The following ADD1 variants were observed in gnomAD, a reference collection of about 807,000 sequenced individuals.
ADD1 encodes the protein adducin 1, also known as alpha-adducin.
A neutral mutation model predicts 80.5 loss-of-function variants in ADD1; 24 were observed. The ratio of observed to expected loss-of-function variants is 0.30; its 90% confidence interval spans 0.22 to 0.42. The LOEUF is 0.42. ADD1 is among the 10% of genes least tolerant of loss of function. ADD1 has a pLI of 1.00. For synonymous variants in ADD1, 373 were observed against 393.8 expected (o/e 0.95, Z 0.63); for missense variants, 948 against 1,019.0 (o/e 0.93, Z 0.95).
At chr4:2,895,529 C>A (rs560628463) in intron 6 of ADD1, among the ~76,000 whole-genome samples, 63 of 152,156 alleles carry the variant, frequency 4.1e-4, no homozygotes, top group Non-Finnish European at 3.4e-4. Context: ...GGCCTAGAAA[C>A]CAACCTGTCC....
At chr4:2,861,986 AATT>A (rs1342779037) in intron 1 of ADD1, among the ~76,000 whole-genome samples, 2 of 152,238 alleles carry the variant, frequency 1.3e-5, no homozygotes, top group African/African-American at 4.8e-5. Context: ...GGCCCGAGAC[AATT>A]CTTCTTCCAG....
intron 6 of ADD1, among the ~76,000 whole-genome samples, chr4:2,895,114 T>C (rs1459734169): frequency 6.6e-6 from 1 of 151,930 alleles, no homozygotes; most frequent in Admixed American, 6.6e-5. Context: ...ATTAAAAAAT[T>C]AACCAGTGTG....
intron 1 of ADD1, among the ~76,000 whole-genome samples, chr4:2,847,325 G>A (rs765193565): frequency 6.6e-6 from 1 of 151,800 alleles, no homozygotes; most frequent in Non-Finnish European, 1.5e-5. Context: ...GGAGGCTGAG[G>A]CAGGAGAATC....
At chr4:2,925,713 G>T (rs1361190548) in intron 14 of ADD1, among the ~76,000 whole-genome samples, 1 of 152,238 alleles carries the variant, frequency 6.6e-6, no homozygotes, top group African/African-American at 2.4e-5. Flanking sequence ...GACAGCGGGG[G>T]ACAGGCCAGG....
intron 9 of ADD1, chr4:2,901,448 C>G (rs558829391): frequency 1.5e-4 from 23 of 152,294 alleles, no homozygotes; most frequent in African/African-American, 5.1e-4. Context: ...ATAAGTAAAA[C>G]ATTCATTACA....
At chr4:2,864,370 G>GC (rs1390273661) in intron 1 of ADD1, among the ~76,000 whole-genome samples, 3 of 152,156 alleles carry the variant, frequency 2.0e-5, no homozygotes, top group Non-Finnish European at 4.4e-5. Context: ...CCAAGATCGT[G>GC]CGTGCCATTG....
At chr4:2,878,642 A>G (rs1202841548) in intron 2 of ADD1, among the ~76,000 whole-genome samples, 1 of 152,086 alleles carries the variant, frequency 6.6e-6, no homozygotes, top group Admixed American at 6.6e-5. Flanking sequence ...GTAAGCATCA[A>G]GGCTGGGCGC....
At chr4:2,905,249 T>G in intron 10 of ADD1, 141 bp downstream of exon 10, 1 of 727,184 alleles carries the variant, frequency 1.4e-6, no homozygotes, top group Non-Finnish European at 2.3e-6. Context: ...AGTCTGAACC[T>G]AAGTCCACTG....
chr4:2,898,942 A>G (rs1735721779), intron 8 of ADD1: 3 of 384,378 alleles, frequency 7.8e-6, no homozygotes, highest in Non-Finnish European at 9.5e-6. Flanking sequence ...CCGCTCCGTC[A>G]GCCGTTAGTT....
chr4:2,886,815 G>T (rs1402430540), intron 4 of ADD1, among the ~76,000 whole-genome samples: 2 of 152,198 alleles, frequency 1.3e-5, no homozygotes, highest in Non-Finnish European at 2.9e-5. Flanking sequence ...CAGGGAAATT[G>T]CTGGCCTCTG....
At chr4:2,880,569 G>A (rs535958342) in intron 2 of ADD1, among the ~76,000 whole-genome samples, 4 of 141,390 alleles carry the variant, frequency 2.8e-5, no homozygotes, top group Middle Eastern at 3.7e-3. Context: ...TCCGCCTCCC[G>A]GGTTCACACC....
chr4:2,906,237 C>A (rs1737040081), intron 10 of ADD1, among the ~76,000 whole-genome samples: 3 of 152,170 alleles, frequency 2.0e-5, no homozygotes, highest in African/African-American at 7.2e-5. Context: ...GGGCAGGGAC[C>A]CTGTGTGGCC....
chr4:2,907,720 T>C (rs1380893799), intron 10 of ADD1, 23 bp from the exon 11 acceptor site: 29 of 1,590,060 alleles, frequency 1.8e-5, no homozygotes, highest in Non-Finnish European at 2.2e-5. Flanking sequence ...ATTCTGACTT[T>C]TCAACTGTTC....
intron 13 of ADD1, among the ~76,000 whole-genome samples, chr4:2,910,585 T>C (rs896569553): frequency 2.0e-5 from 3 of 152,060 alleles, no homozygotes; most frequent in Admixed American, 1.3e-4. Flanking sequence ...GTGCAGGCCA[T>C]GAGCCCAGCT....
At chr4:2,863,828 C>G (rs1335672295) in intron 1 of ADD1, among the ~76,000 whole-genome samples, 4 of 152,136 alleles carry the variant, frequency 2.6e-5, no homozygotes, top group Non-Finnish European at 5.9e-5. Context: ...CTCAGCCTCC[C>G]AAGTAGCTGT....
chr4:2,880,626 C>T (rs2108922012), intron 2 of ADD1, among the ~76,000 whole-genome samples: 1 of 151,908 alleles, frequency 6.6e-6, no homozygotes, highest in East Asian at 1.9e-4. Context: ...CAGGCGCCCA[C>T]CACCACGCCT....
rs147939914 is a variant in ADD1, at chr4:2,915,431, G to C, written c.1948+391G>C. On this transcript the variant is annotated intron_variant, in intron 14 of 15. Transcript: ENST00000683351. ...CGAGGCGGGCGGATCACGAGGTCAG[G>C]AGATCGAGACCATCCTGGCTAATAC... Among the ~76,000 whole-genome samples the C allele has an allele frequency of 9.9e-4, 151 of 152,348 alleles. 1 individual carries two copies. The highest frequency in any genetic ancestry group is 3.5e-3 in the Admixed American group (54 of 15,296).
intron 6 of ADD1, among the ~76,000 whole-genome samples, chr4:2,897,878 GCACT>G (rs1735525224): frequency 2.0e-5 from 3 of 152,088 alleles, no homozygotes; most frequent in Non-Finnish European, 4.4e-5. Flanking sequence ...TCTGCTCCTT[GCACT>G]AGATGCAGTG....
At chr4:2,915,692 G>T (rs910023521) in intron 14 of ADD1, among the ~76,000 whole-genome samples, 2 of 151,944 alleles carry the variant, frequency 1.3e-5, no homozygotes, top group African/African-American at 4.8e-5. Flanking sequence ...GTGTAGTGGC[G>T]CATGCCTGTA....
Sources: allele counts gnomAD v4.1 joint callset (sites outside exome capture counted in the v4.1 genomes callset), GRCh38; gene constraint gnomAD v4.1.1; transcripts MANE v1.5; gene names NCBI Gene and HGNC (gene_info 2026-07-23, HGNC 2026-07-21).